ACTR6: variants seen among roughly 807,000 people sequenced by gnomAD.
The protein encoded by ACTR6 is actin related protein 6, also known as actin-related protein 6.
Under a neutral mutation model 52.5 loss-of-function variants are expected in ACTR6, and 50 were observed. The observed-to-expected ratio is 0.95, with a 90% confidence interval of 0.76 to 1.20. ACTR6 has a LOEUF of 1.20. Among genes scored for constraint, ACTR6 ranks in the 50% most tolerant of loss-of-function variants. The pLI is 0.00. For missense variants in ACTR6, 344 were observed against 472.4 expected (o/e 0.73, Z 2.52); for synonymous variants, 135 against 147.2 (o/e 0.92, Z 0.60).
intron 6 of ACTR6, 92 bp from the exon 7 acceptor site, chr12:100,212,164 C>T (rs1406978856): frequency 2.3e-6 from 2 of 854,880 alleles, no homozygotes; most frequent in African/African-American, 3.5e-5. Context: ...AAATCAGTTA[C>T]CTGAAAATTT....
rs2153900952 is a variant in ACTR6 at position 100,218,878 on chromosome 12, A to G, written c.922+292A>G. Among the ~76,000 whole-genome samples, 1 of 152,270 alleles carries G rather than the reference A, an allele frequency of 6.6e-6. No individual in the cohort carries two copies. Among genetic ancestry groups the G allele is most frequent in the Middle Eastern group, 3.4e-3 (1 of 294 alleles). ...GCCATATCCATTTTAGGAAAGTTTTAATTTAACCCAGATCTGTACAGAATA... is the reference window on the plus strand; with the variant it reads ...GCCATATCCATTTTAGGAAAGTTTTGATTTAACCCAGATCTGTACAGAATA... On this transcript the variant is annotated intron_variant, in intron 9 of 10. Coordinates refer to ENST00000188312, the MANE Select transcript of ACTR6 (RefSeq NM_022496.5). This position sits in a 1 kb window ranked among gnomAD's most constrained non-coding sequence, Gnocchi z 4.2.
At chr12:100,210,448 G>T in intron 6 of ACTR6, 97 bp downstream of exon 6, 1 of 1,301,900 alleles carries the variant, frequency 7.7e-7, no homozygotes, top group Non-Finnish European at 1.1e-6. Context: ...GCCAGTCATT[G>T]TGACTCACGC....
chr12:100,206,515 T>A (rs1032773272), intron 3 of ACTR6, among the ~76,000 whole-genome samples: 1 of 151,978 alleles, frequency 6.6e-6, no homozygotes, highest in Non-Finnish European at 1.5e-5. Flanking sequence ...AGTTTTTTTT[T>A]ATTATGATTT....
chr12:100,205,139 T>G (rs2096113422), intron 2 of ACTR6, 82 bp downstream of exon 2: 10 of 907,202 alleles, frequency 1.1e-5, no homozygotes, highest in Middle Eastern at 2.7e-4. Context: ...AAAGGCTGTG[T>G]GTAACTTAAA....
rs776326760 is a variant in ACTR6 at position 100,210,117 on chromosome 12, G to A, written c.424G>A (p.Glu142Lys). The change falls in exon 5 of 11, where the codon GAA (glutamate) becomes AAA (lysine). Residue 142 changes from glutamate (E) to lysine (K), a missense_variant. By Grantham distance (56) the Glu-to-Lys change is moderately conservative. Transcript: ENST00000188312. The part of the protein sequence containing the change: ...AHRYFRDNPS[E>K]LCCIIVDSGY... ...TAGGTATTTCCGAGATAATCCTTCC[G>A]AATTATGCTGTATCATTGTTGATAG... The A allele has an allele frequency of 7.5e-6, 12 of 1,609,978 alleles. No individual in the cohort carries two copies. Among genetic ancestry groups the A allele is most frequent in the Admixed American group, 3.4e-5 (2 of 59,466 alleles).
chr12:100,208,868 T>C (rs1228561932), intron 4 of ACTR6: 1 of 442,088 alleles, frequency 2.3e-6, no homozygotes, highest in East Asian at 7.1e-5. Context: ...CGCCTCAGCC[T>C]CCCAAGTAGC....
Position 100,210,137 on chromosome 12 carries a change from T to C in ACTR6, c.444T>C (p.Val148=), listed in dbSNP as rs1008756840. 6 of 1,610,896 alleles carry C rather than the reference T, an allele frequency of 3.7e-6. No individual in the cohort carries two copies. The Admixed American group carries it at 6.7e-5, about 18-fold the overall frequency. ...DNPSELCCII[V]DSGYSFTHIV... ...CTTCCGAATTATGCTGTATCATTGT[T>C]GATAGTGGATATTCCTTTACACATA... The change falls in exon 5 of 11, where the codon GTT becomes GTC. Residue 148 remains valine, a synonymous_variant. Coordinates refer to ENST00000188312, the MANE Select transcript of ACTR6 (RefSeq NM_022496.5).
intron 8 of ACTR6, among the ~76,000 whole-genome samples, chr12:100,216,124 T>G (rs1454798368): frequency 6.6e-6 from 1 of 152,260 alleles, no homozygotes; most frequent in Non-Finnish European, 1.5e-5. Flanking sequence ...CAGTATAACA[T>G]ACACTGATCA....
intron 9 of ACTR6, 109 bp from the exon 10 acceptor site, chr12:100,219,899 T>C (rs2096126741): frequency 1.8e-6 from 2 of 1,119,122 alleles, no homozygotes; most frequent in East Asian, 2.5e-5. Flanking sequence ...CACCAGTAAC[T>C]GTAATCCCTA....
chr12:100,213,396 G>A (rs977940099), intron 8 of ACTR6, among the ~76,000 whole-genome samples: 2 of 152,100 alleles, frequency 1.3e-5, no homozygotes, highest in African/African-American at 4.8e-5. Context: ...TTGGGCCTTC[G>A]AGAGTTGTTG....
intron 10 of ACTR6, among the ~76,000 whole-genome samples, chr12:100,223,513 G>C (rs974676939): frequency 6.6e-6 from 1 of 151,930 alleles, no homozygotes; most frequent in African/African-American, 2.4e-5. Context: ...AGAATTAGAG[G>C]GTCCATAAAT....
Position 100,207,932 on chromosome 12 carries a change from G to A in ACTR6, c.379+146G>A, listed in dbSNP as rs774313407. 19 of 771,294 alleles carry A rather than the reference G, an allele frequency of 2.5e-5. No individual in the cohort carries two copies. The Admixed American group carries it at 3.7e-4, about 15-fold the overall frequency. 47.8% of individuals were successfully genotyped at this position (771,294 alleles called of 1,614,324 possible). ...CCCCATCAGTTTGGGAGGCTGAGGC[G>A]AGTAGATCACTTGAGTTTAGGATTT... On this transcript the variant is annotated intron_variant, in intron 4 of 10. Coordinates refer to ENST00000188312, the MANE Select transcript of ACTR6 (RefSeq NM_022496.5).
At chr12:100,205,161 A>C in intron 2 of ACTR6, 104 bp downstream of exon 2, 1 of 636,082 alleles carries the variant, frequency 1.6e-6, no homozygotes, top group Non-Finnish European at 2.6e-6. Context: ...TTTAACTACA[A>C]CCTAATTAAA....
At chr12:100,203,775 C>CA (rs2096111996) in intron 1 of ACTR6, 1 of 151,754 alleles carries the variant, frequency 6.6e-6, no homozygotes, top group African/African-American at 2.4e-5. Context: ...CTCAGCCTTC[C>CA]AAGTAGCTGG....
rs769894806 is a variant in ACTR6, at chr12:100,210,083, C to T, written c.390C>T (p.Leu130=). ...TCTTTTTTTAAATAGCTGGGGCTCT[C>T]AGTGCACATAGGTATTTCCGAGATA... ...QAVLRVNAGA[L]SAHRYFRDNP... Residue 130 remains leucine, a synonymous_variant, in exon 5 of 11, where the codon CTC becomes CTT. Transcript: ENST00000188312. 6.3e-7 allele frequency: 1 copy of T among 1,585,740 alleles called. No individual in the cohort carries two copies. Among genetic ancestry groups the T allele is most frequent in the Non-Finnish European group, 8.5e-7 (1 of 1,172,200 alleles).
In ACTR6 at chr12:100,200,918, T is replaced by TTTA; in HGVS notation, c.67_68insTTA (p.Ser23delinsPheThr). On this transcript the variant is annotated protein_altering_variant and splice_region_variant, in exon 1 of 11. Coordinates refer to ENST00000188312, the MANE Select transcript of ACTR6 (RefSeq NM_022496.5). The stretch of plus-strand genomic sequence containing the variant: ...AATCGGTTACAGCCATGAAAATGTG[T>TTTA]CGTAAGTACTTTCTTTCTCCGAGGG... 1 of 1,614,102 alleles carries TTTA rather than the reference T, an allele frequency of 6.2e-7. No individual in the cohort carries two copies. The highest frequency in any genetic ancestry group is 1.6e-4 in the Middle Eastern group (1 of 6,062).
intron 7 of ACTR6, 34 bp from the exon 8 acceptor site, chr12:100,212,416 A>G: frequency 6.3e-7 from 1 of 1,598,504 alleles, no homozygotes; most frequent in Non-Finnish European, 8.6e-7. Context: ...ACACATAATT[A>G]GAATGTTTCA....
chr12:100,204,326 A>C (rs2096112636), intron 1 of ACTR6: 1 of 152,252 alleles, frequency 6.6e-6, no homozygotes, highest in Non-Finnish European at 1.5e-5. Flanking sequence ...GCTCATCACC[A>C]TGCCTGCCTG....
At position 100,207,564 on chromosome 12, in the gene ACTR6, C is replaced by T. The variant is rs114165661; in HGVS notation, c.256-99C>T. On this transcript the variant is annotated intron_variant, in intron 3 of 10. Transcript: ENST00000188312. The stretch of plus-strand genomic sequence containing the variant: ...AAATGGGGATAGTAATAAGACATCA[C>T]GATTATTGTGAGGATTAAATAAATT... 5.7e-4 allele frequency: 650 copies of T among 1,138,758 alleles called. 2 individuals are homozygous for T. The African/African-American group carries it at 9.2e-3, about 16-fold the overall frequency. 70.5% of individuals were successfully genotyped at this position (1,138,758 alleles called of 1,614,324 possible).
Sources: gnomAD v4.1 joint callset for allele counts (sites outside exome capture counted in the v4.1 genomes callset) on GRCh38, gnomAD v4.1.1 for gene constraint, Gnocchi (gnomAD v3.1) non-coding constraint, MANE v1.5 for transcripts, NCBI Gene and HGNC (gene_info 2026-07-23, HGNC 2026-07-21) for gene names.